FANCL: variants seen among roughly 807,000 people sequenced by gnomAD.
FANCL encodes FA complementation group L, also known as E3 ubiquitin-protein ligase FANCL.
In FANCL, 69 loss-of-function variants were observed where a neutral mutation model predicts 59.4. That is an observed-to-expected ratio of 1.16 (90% CI 0.96 to 1.42). FANCL has a LOEUF of 1.42. Among genes scored for constraint, FANCL ranks in the 40% most tolerant of loss-of-function variants. The probability of loss-of-function intolerance (pLI) is 0.00; values close to 1 mark genes in which losing one functional copy is unlikely to be tolerated. For synonymous variants in FANCL, 180 were observed against 147.1 expected, an observed-to-expected ratio of 1.22 and a Z score of -1.62; for missense variants, 519 against 447.2, an observed-to-expected ratio of 1.16 and a Z score of -1.45.
intron 7 of FANCL, among the ~76,000 whole-genome samples, chr2:58,171,011 C>T (rs369016129): frequency 6.6e-6 from 1 of 151,782 alleles, no homozygotes; most frequent in Admixed American, 6.6e-5. Context: ...GAACTCAGCT[C>T]TGGACCAAGC....
chr2:58,232,905 G>T (rs1219222918), intron 1 of FANCL, among the ~76,000 whole-genome samples: 5 of 151,908 alleles, frequency 3.3e-5, no homozygotes, highest in Admixed American at 1.3e-4. Flanking sequence ...AGAATAAAAT[G>T]AAAAAGTAAT....
At chr2:58,195,031 T>C (rs929085050) in intron 7 of FANCL, among the ~76,000 whole-genome samples, 2 of 152,086 alleles carry the variant, frequency 1.3e-5, no homozygotes, top group Non-Finnish European at 2.9e-5. Flanking sequence ...AAATCAATTA[T>C]CTGAAATCTA....
At chr2:58,188,517 A>G (rs1409144084) in intron 7 of FANCL, among the ~76,000 whole-genome samples, 1 of 151,900 alleles carries the variant, frequency 6.6e-6, no homozygotes, top group East Asian at 1.9e-4. Flanking sequence ...AGCTCACTGC[A>G]ACCTTGAGCT....
At chr2:58,160,898 C>T (rs1367931342) in intron 12 of FANCL, among the ~76,000 whole-genome samples, 2 of 152,042 alleles carry the variant, frequency 1.3e-5, no homozygotes, top group East Asian at 3.9e-4. Context: ...CATACAATTG[C>T]AAGGTGTTCT....
intron 3 of FANCL, 149 bp from the exon 4 acceptor site, chr2:58,226,933 A>C (rs568691671): frequency 1.5e-6 from 1 of 689,566 alleles, no homozygotes; most frequent in Non-Finnish European, 2.5e-6. Context: ...ATCGGTCATC[A>C]ACTTTACTAC....
At chr2:58,219,089 A>C (rs1441349628) in intron 5 of FANCL, among the ~76,000 whole-genome samples, 2 of 141,008 alleles carry the variant, frequency 1.4e-5, no homozygotes, top group Non-Finnish European at 3.1e-5. Flanking sequence ...ATTCTAGGAA[A>C]GGGCAGGAAA....
intron 4 of FANCL, among the ~76,000 whole-genome samples, chr2:58,223,682 GAGGCCTT>G (rs1692698336): frequency 6.6e-6 from 1 of 152,054 alleles, no homozygotes; most frequent in African/African-American, 2.4e-5. Context: ...TTCCTATTTT[GAGGCCTT>G]AGGCTTCAGT....
chr2:58,212,074 G>C (rs1347430794), intron 5 of FANCL, among the ~76,000 whole-genome samples: 2 of 152,146 alleles, frequency 1.3e-5, no homozygotes, highest in African/African-American at 2.4e-5. Context: ...GTATTAGTCT[G>C]TTTTCATGCT....
intron 5 of FANCL, among the ~76,000 whole-genome samples, chr2:58,217,180 A>T (rs1296271379): frequency 3.1e-3 from 25 of 8,004 alleles, no homozygotes; most frequent in African/African-American, 9.4e-3. Context: ...ATATATATAT[A>T]TATATATATA....
At chr2:58,187,164 C>T (rs1688483341) in intron 7 of FANCL, among the ~76,000 whole-genome samples, 1 of 152,014 alleles carries the variant, frequency 6.6e-6, no homozygotes, top group Non-Finnish European at 1.5e-5. Flanking sequence ...TGGAACCAAC[C>T]CAAATGTCCA....
At chr2:58,198,788 G>A (rs1387207709) in intron 6 of FANCL, 126 bp from the exon 7 acceptor site, 1 of 691,794 alleles carries the variant, frequency 1.4e-6, no homozygotes, top group Non-Finnish European at 2.6e-6. Flanking sequence ...CCAGCACTTT[G>A]GGAGGCCGAG....
chr2:58,184,249 A>G (rs551644269), intron 7 of FANCL, among the ~76,000 whole-genome samples: 63 of 152,198 alleles, frequency 4.1e-4, no homozygotes, highest in African/African-American at 1.4e-3. Context: ...TCTTTGATCA[A>G]AATAATTTTC....
chr2:58,227,540 G>A lies in FANCL; in HGVS notation c.217-756C>T, dbSNP rs368471530. On this transcript the variant is annotated intron_variant, in intron 3 of 13. Transcript: ENST00000233741. ...TGGTCGAACTCCACGTCATTCTGCC[G>A]GTCAATGGCCTGCCGGCATGCTGAA... Among the ~76,000 whole-genome samples, 53 of 152,268 alleles carry A rather than the reference G, an allele frequency of 3.5e-4. No homozygotes were observed. The South Asian group carries it at 9.6e-3, about 27-fold the overall frequency.
At chr2:58,215,771 A>G (rs532209083) in intron 5 of FANCL, among the ~76,000 whole-genome samples, 1 of 151,978 alleles carries the variant, frequency 6.6e-6, no homozygotes, top group African/African-American at 2.4e-5. Context: ...AACAGACTGG[A>G]AAGGCCAGAA....
chr2:58,205,629 A>G (rs2105160009), intron 5 of FANCL, among the ~76,000 whole-genome samples: 1 of 152,256 alleles, frequency 6.6e-6, no homozygotes, highest in East Asian at 1.9e-4. Context: ...ACCTACAGTT[A>G]CAAAAAAAGA....
chr2:58,193,543 TTTTC>T (rs1689142365), intron 7 of FANCL, among the ~76,000 whole-genome samples: 1 of 152,252 alleles, frequency 6.6e-6, no homozygotes, highest in East Asian at 1.9e-4. Flanking sequence ...CAATAATAAA[TTTTC>T]TTTGTTTTGA....
chr2:58,163,035 T>C lies in FANCL; in HGVS notation c.815A>G (p.His272Arg). 6.2e-7 allele frequency: 1 copy of C among 1,612,744 alleles called. No individual in the cohort carries two copies. Among genetic ancestry groups the C allele is most frequent in the Non-Finnish European group, 8.5e-7 (1 of 1,179,088 alleles). The change falls in exon 10 of 14, where the codon CAT becomes CGT. Residue 272 changes from histidine (H) to arginine (R), a missense_variant. His to Arg is a conservative substitution (Grantham distance 29). Transcript: ENST00000233741. Reference protein sequence around the residue: ...PLGIKLSRNIHLWDPENSVLQ... With the variant: ...PLGIKLSRNIRLWDPENSVLQ... ...ATATTGCCAAGGTACCTACCACAAA[T>C]GTATGTTCCTGCTCAGCTTAATTCC...
chr2:58,163,011 T>C lies in FANCL; in HGVS notation c.821+18A>G, dbSNP rs1010330712. 1.9e-6 allele frequency: 3 copies of C among 1,612,798 alleles called. No individual in the cohort carries two copies. The highest frequency in any genetic ancestry group is 2.5e-6 in the Non-Finnish European group (3 of 1,179,012). On this transcript the variant is annotated intron_variant, in intron 10 of 13. Coordinates refer to ENST00000233741, the MANE Select transcript of FANCL (RefSeq NM_018062.4). ...TAAAATCACCAAAAAGTAAAAATTA[T>C]ATTGCCAAGGTACCTACCACAAATG... is the stretch of plus-strand genomic sequence containing the variant.
chr2:58,192,351 C>G (rs1689006220), intron 7 of FANCL, among the ~76,000 whole-genome samples: 1 of 151,868 alleles, frequency 6.6e-6, no homozygotes, highest in African/African-American at 2.4e-5. Context: ...ATATCCATCC[C>G]ACTGCCCATA....
Sources: gnomAD v4.1 joint callset for allele counts (sites outside exome capture counted in the v4.1 genomes callset) on GRCh38, gnomAD v4.1.1 for gene constraint, MANE v1.5 for transcripts, NCBI Gene and HGNC (gene_info 2026-07-23, HGNC 2026-07-21) for gene names.